Variants in SDK1 observed in about 807,000 individuals in gnomAD.
The protein encoded by SDK1 is protein sidekick-1.
In SDK1, 157 loss-of-function variants were observed where a neutral mutation model predicts 245.5. That is an observed-to-expected ratio of 0.64 (90% CI 0.56 to 0.73). The LOEUF is 0.73. SDK1 is among the 30% of genes least tolerant of loss of function. The pLI is 0.00. For synonymous variants in SDK1, 1,647 were observed against 1,278.5 expected, an observed-to-expected ratio of 1.29 and a Z score of -6.15; for missense variants, 3,583 against 3,002.3, an observed-to-expected ratio of 1.19 and a Z score of -4.52.
intron 1 of SDK1, among the ~76,000 whole-genome samples, chr7:3,441,290 T>C (rs1780189115): frequency 6.6e-6 from 1 of 152,178 alleles, no homozygotes; most frequent in Non-Finnish European, 1.5e-5. Context: ...TTCAGTACTA[T>C]CTGGTTTCAG....
chr7:3,745,117 G>A (rs189710948), intron 4 of SDK1, among the ~76,000 whole-genome samples: 8 of 152,298 alleles, frequency 5.3e-5, no homozygotes, highest in African/African-American at 1.7e-4. Context: ...TTAATCTTTG[G>A]AATGTTTTGA....
chr7:4,177,117 A>ATCT (rs1562393006), intron 34 of SDK1, among the ~76,000 whole-genome samples: 1 of 152,238 alleles, frequency 6.6e-6, no homozygotes, highest in Non-Finnish European at 1.5e-5. Flanking sequence ...CACAGCTCCA[A>ATCT]CATGTTGAGA....
chr7:3,758,954 G>A (rs573228099), intron 4 of SDK1, among the ~76,000 whole-genome samples: 3 of 152,220 alleles, frequency 2.0e-5, no homozygotes, highest in East Asian at 1.9e-4. Context: ...CCAGTACCAT[G>A]GGGTTCATTC....
chr7:3,420,794 C>T (rs1029636455), intron 1 of SDK1, among the ~76,000 whole-genome samples: 14 of 152,080 alleles, frequency 9.2e-5, no homozygotes, highest in Admixed American at 2.6e-4. Flanking sequence ...GCAGGGTGTG[C>T]AGAGTCGTTA....
intron 1 of SDK1, among the ~76,000 whole-genome samples, chr7:3,346,791 A>ATGTGTGTGTG (rs375659260): frequency 1.8e-5 from 1 of 56,758 alleles, no homozygotes; most frequent in African/African-American, 7.8e-5. Context: ...ATATATATGT[A>ATGTGTGTGTG]TGTGTGTGTG....
intron 13 of SDK1, among the ~76,000 whole-genome samples, chr7:3,982,878 G>A (rs554484677): frequency 5.3e-5 from 8 of 152,022 alleles, no homozygotes; most frequent in South Asian, 2.1e-4. Flanking sequence ...CATGGGAGGA[G>A]ATCACAATAT....
chr7:3,955,233 T>C (rs1781165063), intron 7 of SDK1, among the ~76,000 whole-genome samples: 1 of 152,134 alleles, frequency 6.6e-6, no homozygotes, highest in African/African-American at 2.4e-5. Flanking sequence ...GCTTGTGGCT[T>C]GGGGGCTGGC....
intron 4 of SDK1, among the ~76,000 whole-genome samples, chr7:3,743,652 A>G (rs189092731): frequency 1.3e-5 from 2 of 152,344 alleles, no homozygotes; most frequent in East Asian, 1.9e-4. Context: ...AACATTTGCT[A>G]TGTGCCAGAA....
intron 2 of SDK1, among the ~76,000 whole-genome samples, chr7:3,629,076 A>T (rs957522037): frequency 2.0e-5 from 3 of 151,574 alleles, no homozygotes; most frequent in Non-Finnish European, 4.4e-5. Context: ...GCAGATCACG[A>T]GGTCAGGTGA....
At chr7:3,336,538 G>A (rs1220784964) in intron 1 of SDK1, among the ~76,000 whole-genome samples, 1 of 152,180 alleles carries the variant, frequency 6.6e-6, no homozygotes, top group East Asian at 1.9e-4. Flanking sequence ...GTGGGGAGGT[G>A]TGAGCCTCCA....
intron 1 of SDK1, among the ~76,000 whole-genome samples, chr7:3,306,947 A>G (rs1218907293): frequency 1.3e-5 from 2 of 152,222 alleles, no homozygotes; most frequent in South Asian, 2.1e-4. Flanking sequence ...AAGTAAAGAA[A>G]GTGGTAGTTA....
At chr7:4,062,788 A>G (rs1779622249) in intron 19 of SDK1, among the ~76,000 whole-genome samples, 1 of 152,238 alleles carries the variant, frequency 6.6e-6, no homozygotes. Context: ...CAGGGATGCA[A>G]GGATGGTTCA....
intron 2 of SDK1, among the ~76,000 whole-genome samples, chr7:3,620,631 A>G (rs1442390972): frequency 1.3e-5 from 2 of 152,028 alleles, no homozygotes; most frequent in Non-Finnish European, 2.9e-5. Context: ...TGACAGTTCT[A>G]AGATTTTCTG....
chr7:3,417,354 G>A (rs2128579535), intron 1 of SDK1, among the ~76,000 whole-genome samples: 1 of 152,284 alleles, frequency 6.6e-6, no homozygotes, highest in African/African-American at 2.4e-5. Flanking sequence ...TCTTCTTTCT[G>A]CTGCATGTGG....
intron 1 of SDK1, among the ~76,000 whole-genome samples, chr7:3,319,790 A>G (rs1779747800): frequency 6.6e-6 from 1 of 150,570 alleles, no homozygotes; most frequent in Non-Finnish European, 1.5e-5. Flanking sequence ...TGTTCTGTTT[A>G]AGGATTTCAC....
chr7:3,325,808 A>G (rs1779926664), intron 1 of SDK1, among the ~76,000 whole-genome samples: 1 of 152,154 alleles, frequency 6.6e-6, no homozygotes, highest in African/African-American at 2.4e-5. Flanking sequence ...ATTCTGCTCA[A>G]CTAGTTTTTC....
At chr7:4,076,867 G>T in intron 20 of SDK1, 131 bp from the exon 21 acceptor site, 1 of 716,466 alleles carries the variant, frequency 1.4e-6, no homozygotes, top group Non-Finnish European at 2.3e-6. Flanking sequence ...TAGCACAGTG[G>T]CTCTAAGCTG....
chr7:4,139,249 G>T (rs1458706734), intron 28 of SDK1, among the ~76,000 whole-genome samples: 3 of 152,134 alleles, frequency 2.0e-5, no homozygotes, highest in Non-Finnish European at 2.9e-5. Context: ...CTCAAGGTCT[G>T]TTCGTGGGGC....
intron 1 of SDK1, among the ~76,000 whole-genome samples, chr7:3,483,304 G>C (rs921763401): frequency 6.6e-6 from 1 of 152,080 alleles, no homozygotes; most frequent in African/African-American, 2.4e-5. Flanking sequence ...TCTTCATAAA[G>C]ATCTTGCCAC....
Sources: allele counts gnomAD v4.1 joint callset (sites outside exome capture counted in the v4.1 genomes callset), GRCh38; gene constraint gnomAD v4.1.1; transcripts MANE v1.5; gene names NCBI Gene and HGNC (gene_info 2026-07-23, HGNC 2026-07-21).